SHC3: variants seen among roughly 807,000 people sequenced by gnomAD.
The protein encoded by SHC3 is SHC-transforming protein 3.
Under a neutral mutation model 60.4 loss-of-function variants are expected in SHC3, and 15 were observed. The observed-to-expected ratio is 0.25, with a 90% CI of 0.17 to 0.38. The LOEUF (loss-of-function observed/expected upper bound fraction) is 0.38. Among genes scored for constraint, SHC3 ranks in the 10% least tolerant of loss-of-function variants. SHC3 has a pLI of 1.00. For synonymous variants in SHC3, 294 were observed against 325.9 expected (o/e 0.90, Z 1.05); for missense variants, 677 against 786.1 (o/e 0.86, Z 1.66).
intron 1 of SHC3, among the ~76,000 whole-genome samples, chr9:89,129,057 C>G (rs866675669): frequency 6.6e-6 from 1 of 152,044 alleles, no homozygotes; most frequent in African/African-American, 2.4e-5. Context: ...TAGAGAAGAC[C>G]TTAAATGACC....
At chr9:89,074,771 G>A (rs934417461) in intron 4 of SHC3, among the ~76,000 whole-genome samples, 10 of 147,984 alleles carry the variant, frequency 6.8e-5, no homozygotes, top group Non-Finnish European at 1.2e-4. Flanking sequence ...AATAAAATAT[G>A]GCCTGTAAAA....
intron 2 of SHC3, among the ~76,000 whole-genome samples, chr9:89,095,818 T>C (rs1564139488): frequency 6.6e-6 from 1 of 152,124 alleles, no homozygotes; most frequent in Non-Finnish European, 1.5e-5. Context: ...AATTAGTACC[T>C]CCAGTATTCC....
At chr9:89,170,324 C>A (rs961837377) in intron 1 of SHC3, among the ~76,000 whole-genome samples, 96 of 152,342 alleles carry the variant, frequency 6.3e-4, no homozygotes, top group African/African-American at 2.1e-3. Flanking sequence ...AGAAGAGACA[C>A]CTGCACTACT....
chr9:89,128,350 G>A (rs570087386), intron 1 of SHC3, among the ~76,000 whole-genome samples: 3 of 152,162 alleles, frequency 2.0e-5, no homozygotes, highest in Admixed American at 1.3e-4. Context: ...AAAGGCAGCA[G>A]AAACTTCTGC....
rs534630001 is a variant in SHC3 at position 89,107,782 on chromosome 9, C to T, written c.545+4774G>A. Among the ~76,000 whole-genome samples, 201 of 152,290 alleles carry T rather than the reference C, an allele frequency of 1.3e-3. 1 individual carries two copies. The highest frequency in any genetic ancestry group is 4.7e-3 in the African/African-American group (197 of 41,558). ...ACATGACTGCTCTCTGTTCTAATTC[C>T]GAAATTCAACCAGCCTCAGAGAATC... On this transcript the variant is annotated intron_variant, in intron 2 of 11. Transcript: ENST00000375835.
intron 9 of SHC3, among the ~76,000 whole-genome samples, chr9:89,045,446 A>C (rs926498312): frequency 6.6e-6 from 1 of 152,056 alleles, no homozygotes; most frequent in South Asian, 2.1e-4. Context: ...ACACCCGGCA[A>C]ATTTTTTTAT....
chr9:89,102,192 G>A (rs188992464), intron 2 of SHC3, among the ~76,000 whole-genome samples: 3 of 151,972 alleles, frequency 2.0e-5, no homozygotes, highest in Non-Finnish European at 4.4e-5. Context: ...CCTGATATTG[G>A]TCATTTGAAC....
chr9:89,134,544 T>C (rs909881502), intron 1 of SHC3, among the ~76,000 whole-genome samples: 1 of 152,116 alleles, frequency 6.6e-6, no homozygotes, highest in Non-Finnish European at 1.5e-5. Context: ...TAGATTTGTC[T>C]AATAATTATA....
intron 9 of SHC3, among the ~76,000 whole-genome samples, chr9:89,044,789 AT>A (rs1326701472): frequency 2.0e-5 from 3 of 152,206 alleles, no homozygotes; most frequent in Non-Finnish European, 4.4e-5. Flanking sequence ...TATTTGAATT[AT>A]TTGCAGATAT....
chr9:89,022,513 A>T (rs1203853965), intron 11 of SHC3, among the ~76,000 whole-genome samples: 1 of 152,108 alleles, frequency 6.6e-6, no homozygotes, highest in Non-Finnish European at 1.5e-5. Flanking sequence ...TCAGTAAGGA[A>T]TTTCCCCCTC....
intron 1 of SHC3, among the ~76,000 whole-genome samples, chr9:89,128,868 C>T (rs1826201548): frequency 6.6e-6 from 1 of 152,168 alleles, no homozygotes; most frequent in African/African-American, 2.4e-5. Context: ...AACGCAGCTC[C>T]TCACCAGCAA....
chr9:89,083,726 A>AC (rs1825482739), intron 2 of SHC3, among the ~76,000 whole-genome samples: 1 of 152,190 alleles, frequency 6.6e-6, no homozygotes, highest in African/African-American at 2.4e-5. Flanking sequence ...GGGCAGCCCC[A>AC]CAGATGACTC....
In SHC3 at chr9:89,112,714, A is replaced by G. The variant is rs1376929996; in HGVS notation, c.475-88T>C. 3 of 1,139,326 alleles carry G rather than the reference A, an allele frequency of 2.6e-6. No homozygotes were observed. In the East Asian group the frequency reaches 8.3e-5, roughly 32 times the overall value. The allele number at this position is 1,139,326 out of a possible 1,614,324, so 70.6% of individuals were successfully genotyped here. ...CTATACAAGGGCATTTTTGGGAGCC[A>G]TACACATTTCTTAAATCACATTTTA... On this transcript the variant is annotated intron_variant, in intron 1 of 11. Coordinates refer to ENST00000375835, the MANE Select transcript of SHC3 (RefSeq NM_016848.6).
rs545216739 is a variant in SHC3, at chr9:89,135,285, G to T, written c.475-22659C>A. Among the ~76,000 whole-genome samples, 3 of 152,216 alleles carry T rather than the reference G, an allele frequency of 2.0e-5. No individual in the cohort carries two copies. The East Asian group carries it at 5.8e-4, about 29-fold the overall frequency. Reference sequence around the variant, plus strand: ...AGTCCCTGTGCAGGGTTCCTGACCTGTGGTAAGTAAAGAATGTCACTTTCT... The same window carrying T: ...AGTCCCTGTGCAGGGTTCCTGACCTTTGGTAAGTAAAGAATGTCACTTTCT... On this transcript the variant is annotated intron_variant, in intron 1 of 11. Transcript: ENST00000375835.
intron 1 of SHC3, among the ~76,000 whole-genome samples, chr9:89,176,687 T>C (rs1024880277): frequency 5.3e-5 from 8 of 152,240 alleles, no homozygotes; most frequent in African/African-American, 1.4e-4. Context: ...AATATGCATA[T>C]ATTATGCTCA....
intron 1 of SHC3, among the ~76,000 whole-genome samples, chr9:89,139,160 T>G (rs1436658272): frequency 6.6e-6 from 1 of 152,146 alleles, no homozygotes; most frequent in Admixed American, 6.6e-5. Context: ...TATCCAGATG[T>G]TTTTTACATT....
At chr9:89,096,232 T>C (rs1490052874) in intron 2 of SHC3, among the ~76,000 whole-genome samples, 1 of 152,184 alleles carries the variant, frequency 6.6e-6, no homozygotes, top group Non-Finnish European at 1.5e-5. Context: ...AGGCATGAGA[T>C]GATTGGAGAT....
intron 1 of SHC3, among the ~76,000 whole-genome samples, chr9:89,152,972 C>A (rs1164306861): frequency 6.6e-6 from 1 of 152,118 alleles, no homozygotes; most frequent in East Asian, 1.9e-4. Context: ...AGAGTGGATA[C>A]CCCTGGGAGG....
At chr9:89,069,443 A>AT (rs1444432638) in intron 5 of SHC3, among the ~76,000 whole-genome samples, 1 of 152,262 alleles carries the variant, frequency 6.6e-6, no homozygotes, top group Non-Finnish European at 1.5e-5. Context: ...AAGAAAAAAA[A>AT]GAAGAGAAAG....
Sources: gnomAD v4.1 joint callset for allele counts (sites outside exome capture counted in the v4.1 genomes callset) on GRCh38, gnomAD v4.1.1 for gene constraint, MANE v1.5 for transcripts, NCBI Gene and HGNC (gene_info 2026-07-23, HGNC 2026-07-21) for gene names.